AP3B1: variants seen among roughly 807,000 people sequenced by gnomAD.
The protein encoded by AP3B1 is adaptor related protein complex 3 subunit beta 1.
In AP3B1, 61 loss-of-function variants were observed where a neutral mutation model predicts 132.5. The observed-to-expected ratio is 0.46, with a 90% CI of 0.37 to 0.57. The LOEUF (loss-of-function observed/expected upper bound fraction) is 0.57, where lower values mean the gene tolerates loss of function less well. Ranked by LOEUF, AP3B1 falls within the 20% of genes least tolerant of loss-of-function variation. The probability of loss-of-function intolerance (pLI) is 0.00; values close to 1 mark genes in which losing one functional copy is unlikely to be tolerated. For missense variants in AP3B1, 1,120 were observed against 1,289.4 expected, an observed-to-expected ratio of 0.87 and a Z score of 2.01; for synonymous variants, 388 against 438.3, an observed-to-expected ratio of 0.89 and a Z score of 1.43.
intron 22 of AP3B1, among the ~76,000 whole-genome samples, chr5:78,061,049 A>C: frequency 6.6e-6 from 1 of 152,144 alleles, no homozygotes; most frequent in Non-Finnish European, 1.5e-5. Flanking sequence ...CTTTGAAAAA[A>C]GAAGTACTGA....
At chr5:78,173,672 C>T (rs1274804702) in intron 11 of AP3B1, among the ~76,000 whole-genome samples, 1 of 145,734 alleles carries the variant, frequency 6.9e-6, no homozygotes, top group Admixed American at 6.7e-5. Flanking sequence ...TGGGGTTGCT[C>T]TTCTCGAGGA....
intron 17 of AP3B1, among the ~76,000 whole-genome samples, 196 bp downstream of exon 17, chr5:78,127,834 C>T (rs536152524): frequency 6.6e-6 from 1 of 152,246 alleles, no homozygotes; most frequent in East Asian, 1.9e-4. Context: ...AGAAAAGGAA[C>T]AGTACATGTA....
At chr5:78,290,586 GA>G (rs1466887141) in intron 1 of AP3B1, among the ~76,000 whole-genome samples, 1 of 141,694 alleles carries the variant, frequency 7.1e-6, no homozygotes, top group Non-Finnish European at 1.6e-5. Flanking sequence ...TTGGTTAAAA[GA>G]AGTTTTTTTT....
At chr5:78,040,463 C>T (rs548710962) in intron 22 of AP3B1, among the ~76,000 whole-genome samples, 1 of 151,926 alleles carries the variant, frequency 6.6e-6, no homozygotes, top group East Asian at 1.9e-4. Flanking sequence ...TCCTTATTTC[C>T]CCCTCCGAAT....
At chr5:78,087,623 T>C (rs946170719) in intron 22 of AP3B1, 19 of 985,328 alleles carry the variant, frequency 1.9e-5, no homozygotes, top group Middle Eastern at 5.2e-4. Context: ...CCGTGTCAAC[T>C]GGCGGTCATT....
chr5:78,117,402 T>C (rs542851579), intron 17 of AP3B1, among the ~76,000 whole-genome samples: 15 of 151,562 alleles, frequency 9.9e-5, no homozygotes, highest in Non-Finnish European at 1.6e-4. Flanking sequence ...CTCTGCCTCC[T>C]AGGTTCAAGC....
intron 7 of AP3B1, among the ~76,000 whole-genome samples, chr5:78,207,325 G>A (rs1436632939): frequency 1.3e-5 from 2 of 151,612 alleles, no homozygotes; most frequent in South Asian, 2.1e-4. Context: ...TACTCAGGAG[G>A]CTCAGGCAGG....
At chr5:78,131,805 T>C (rs893608513) in intron 15 of AP3B1, among the ~76,000 whole-genome samples, 2 of 152,156 alleles carry the variant, frequency 1.3e-5, no homozygotes, top group Non-Finnish European at 2.9e-5. Context: ...AAAGTCTTTC[T>C]GTTTGCAAGA....
intron 11 of AP3B1, among the ~76,000 whole-genome samples, chr5:78,170,973 C>T (rs1743886698): frequency 2.6e-5 from 4 of 152,100 alleles, no homozygotes; most frequent in Admixed American, 2.6e-4. Context: ...TTTCCCAGCA[C>T]CATTTATTAA....
intron 1 of AP3B1, among the ~76,000 whole-genome samples, chr5:78,276,292 T>A (rs1748772474): frequency 6.6e-6 from 1 of 152,162 alleles, no homozygotes; most frequent in Admixed American, 6.6e-5. Flanking sequence ...GATCTTGAAC[T>A]TTTGAACTCA....
chr5:78,068,382 A>G (rs1039364034), intron 22 of AP3B1, among the ~76,000 whole-genome samples: 4 of 139,972 alleles, frequency 2.9e-5, no homozygotes, highest in Non-Finnish European at 4.7e-5. Flanking sequence ...GAAGGAGAAG[A>G]AGGAAGAGGA....
At chr5:78,038,536 T>G (rs982083920) in intron 23 of AP3B1, among the ~76,000 whole-genome samples, 1 of 152,224 alleles carries the variant, frequency 6.6e-6, no homozygotes, top group African/African-American at 2.4e-5. Context: ...AAAGCTGGCC[T>G]GAGCCAGGTT....
At chr5:78,207,051 A>T (rs570470188) in intron 7 of AP3B1, among the ~76,000 whole-genome samples, 2 of 152,240 alleles carry the variant, frequency 1.3e-5, no homozygotes, top group East Asian at 3.9e-4. Context: ...TGAAGTCAGG[A>T]GTTCGAAACC....
chr5:78,102,230 T>C lies in AP3B1; in HGVS notation c.2398-1205A>G, dbSNP rs1280176610. 3.0e-4 allele frequency among the ~76,000 whole-genome samples: 46 copies of C among 152,136 alleles called. 1 individual carries two copies. The highest frequency in any genetic ancestry group is 4.4e-5 in the Non-Finnish European group (3 of 67,958). On this transcript the variant is annotated intron_variant, in intron 20 of 26. Transcript: ENST00000255194. The stretch of plus-strand genomic sequence containing the variant: ...CACAGTGTTAGAGCTCCTACAACAG[T>C]GCACATACATGAACAAAAGCATTAC...
At chr5:78,176,441 T>C (rs541040680) in intron 9 of AP3B1, among the ~76,000 whole-genome samples, 1 of 152,286 alleles carries the variant, frequency 6.6e-6, no homozygotes, top group Admixed American at 6.5e-5. Context: ...ATCTCATTTG[T>C]TACTAAGCCA....
chr5:78,058,555 T>A (rs1748912371), intron 22 of AP3B1, among the ~76,000 whole-genome samples: 1 of 152,196 alleles, frequency 6.6e-6, no homozygotes, highest in Admixed American at 6.5e-5. Flanking sequence ...TAAAAATTTT[T>A]AAATATAAGT....
At chr5:78,134,811 G>A (rs1372518882) in intron 15 of AP3B1, among the ~76,000 whole-genome samples, 1 of 152,168 alleles carries the variant, frequency 6.6e-6, no homozygotes, top group Non-Finnish European at 1.5e-5. Context: ...CCAAAGTGCT[G>A]GGATTACAGG....
intron 3 of AP3B1, among the ~76,000 whole-genome samples, chr5:78,237,729 C>G (rs557819857): frequency 6.6e-6 from 1 of 152,246 alleles, no homozygotes; most frequent in South Asian, 2.1e-4. Context: ...AGGAGAATCA[C>G]CTGAACCCGG....
chr5:78,208,621 A>G (rs10071880), intron 7 of AP3B1, among the ~76,000 whole-genome samples: 45,282 of 152,080 alleles, frequency 0.3, 6,957 homozygotes, highest in Middle Eastern at 0.35. Flanking sequence ...ATTTTTCATT[A>G]GGCATATAAC....
Sources: allele counts gnomAD v4.1 joint callset (sites outside exome capture counted in the v4.1 genomes callset), GRCh38; gene constraint gnomAD v4.1.1; transcripts MANE v1.5; gene names NCBI Gene and HGNC (gene_info 2026-07-23, HGNC 2026-07-21).